DOP1A: variants seen among roughly 807,000 people sequenced by gnomAD.
The protein encoded by DOP1A is DOP1 leucine zipper like protein A.
In DOP1A, 90 loss-of-function variants were observed where a neutral mutation model predicts 267.6. The ratio of observed to expected loss-of-function variants is 0.34; its 90% CI spans 0.28 to 0.40. The LOEUF (loss-of-function observed/expected upper bound fraction) is 0.40. DOP1A is among the 10% of genes least tolerant of loss of function. DOP1A has a pLI of 1.00. For synonymous variants in DOP1A, 932 were observed against 999.1 expected, an observed-to-expected ratio of 0.93 and a Z score of 1.27; for missense variants, 2,437 against 2,900.4, an observed-to-expected ratio of 0.84 and a Z score of 3.67.
At position 83,125,160 on chromosome 6, in the gene DOP1A, T is replaced by C. The variant is rs1469426118; in HGVS notation, c.1456-6T>C. The C allele has an allele frequency of 6.3e-7, 1 of 1,581,084 alleles. No individual in the cohort carries two copies. Among genetic ancestry groups the C allele is most frequent in the East Asian group, 2.3e-5 (1 of 44,110 alleles). On this transcript the variant is annotated splice_polypyrimidine_tract_variant and splice_region_variant and intron_variant, in intron 13 of 38. Transcript: ENST00000349129. ...CTCCTCACTTCTTTGCTTTCTCATT[T>C]TGAAGCCTACTAGAAGTATGAGGGT...
At position 83,168,375 on chromosome 6, in the gene DOP1A, C is replaced by G; in HGVS notation, c.*208C>G. 2.9e-6 allele frequency: 4 copies of G among 1,369,892 alleles called. No homozygotes were observed. The highest frequency in any genetic ancestry group is 3.8e-6 in the Non-Finnish European group (4 of 1,063,930). The allele number at this position is 1,369,892 out of a possible 1,614,324, so 84.9% of individuals were successfully genotyped here. On this transcript the variant is annotated 3_prime_UTR_variant, in exon 39 of 39. Transcript: ENST00000349129. ...TGTTGGCTCATACTGATTATGGTGC[C>G]TAAGAGAGCTATATATATACACATG...
At position 83,159,798 on chromosome 6, in the gene DOP1A, C is replaced by T; in HGVS notation, c.6800C>T (p.Thr2267Ile). ...ACAGCACTGTCTCCTGCTTACAGGA[C>T]TTCAGGGCCCTCTGTGGCTGGTCTG... Reference protein sequence around the residue: ...ELTADEDISRTSGPSVAGLET... With the variant: ...ELTADEDISRISGPSVAGLET... The change falls in exon 37 of 39, where the codon ACT (threonine) becomes ATT (isoleucine). Residue 2267 changes from threonine (T) to isoleucine (I), a missense_variant and splice_region_variant. Thr to Ile is a moderately conservative substitution (Grantham distance 89). Transcript: ENST00000349129. 1 of 1,614,148 alleles carries T rather than the reference C, an allele frequency of 6.2e-7. No individual in the cohort carries two copies. Among genetic ancestry groups the T allele is most frequent in the Non-Finnish European group, 8.5e-7 (1 of 1,180,026 alleles).
rs560507972 is a variant in DOP1A at position 83,155,077 on chromosome 6, A to G, written c.6451+836A>G. On this transcript the variant is annotated intron_variant, in intron 33 of 38. Coordinates refer to ENST00000349129, the MANE Select transcript of DOP1A (RefSeq NM_015018.4). Reference sequence around the variant, plus strand: ...GGGCAATGTGTGATGGATTTTAAATAACAGCTAAATAGCTCATATACAAGG... The same window carrying G: ...GGGCAATGTGTGATGGATTTTAAATGACAGCTAAATAGCTCATATACAAGG... Among the ~76,000 whole-genome samples the G allele has an allele frequency of 2.6e-5, 4 of 152,302 alleles. No individual in the cohort carries two copies. In the East Asian group the frequency reaches 5.8e-4, roughly 22 times the overall value.
At chr6:83,116,627 T>C (rs1371917315) in intron 7 of DOP1A, among the ~76,000 whole-genome samples, 1 of 152,120 alleles carries the variant, frequency 6.6e-6, no homozygotes, top group Non-Finnish European at 1.5e-5. Flanking sequence ...CTGGCCAACA[T>C]GGTGAAACCC....
chr6:83,083,440 C>G (rs532636978), intron 1 of DOP1A, among the ~76,000 whole-genome samples: 1 of 149,170 alleles, frequency 6.7e-6, no homozygotes, highest in African/African-American at 2.5e-5. Context: ...AAAAAAAGTT[C>G]AGAAAGATAC....
At chr6:83,166,522 A>G (rs1785673069) in intron 38 of DOP1A, 2 of 682,482 alleles carry the variant, frequency 2.9e-6, no homozygotes, top group South Asian at 3.2e-5. Flanking sequence ...TCATTTCCAT[A>G]GTCTAAAATA....
chr6:83,133,784 C>CA (rs1483967173), intron 18 of DOP1A, among the ~76,000 whole-genome samples: 1 of 151,588 alleles, frequency 6.6e-6, no homozygotes, highest in Non-Finnish European at 1.5e-5. Flanking sequence ...ATTTCTGGGA[C>CA]AAAAAATATA....
intron 1 of DOP1A, among the ~76,000 whole-genome samples, chr6:83,089,205 GTGT>G (rs1456217140): frequency 1.3e-5 from 2 of 152,166 alleles, no homozygotes; most frequent in African/African-American, 4.8e-5. Context: ...AAGTATCTTT[GTGT>G]TGTTATTCTG....
At chr6:83,095,835 A>C (rs1478723003) in intron 1 of DOP1A, among the ~76,000 whole-genome samples, 1 of 152,140 alleles carries the variant, frequency 6.6e-6, no homozygotes, top group Non-Finnish European at 1.5e-5. Flanking sequence ...GCTTACTCAC[A>C]TGGCTGTATA....
In DOP1A at chr6:83,137,200, A is replaced by C. The variant is rs1778996812; in HGVS notation, c.3158A>C (p.Lys1053Thr). The C allele has an allele frequency of 6.4e-7, 1 of 1,573,524 alleles. No homozygotes were observed. Among genetic ancestry groups the C allele is most frequent in the African/African-American group, 1.4e-5 (1 of 73,372 alleles). ...NVSQVQLITSKGNGEKPLTMD... is the reference protein window; with the variant it reads ...NVSQVQLITSTGNGEKPLTMD... ...AGCCAAGTACAACTCATCACATCAA[A>C]AGGAAATGGTGAAAAGCCACTTACC... Residue 1053 changes from lysine to threonine, a missense_variant, in exon 21 of 39, where the codon AAA becomes ACA. Physicochemically the swap from Lys to Thr is moderately conservative, Grantham distance 78 (BLOSUM62 -1). Around this residue, in one of 9 missense-constraint regions of DOP1A, gnomAD observed 878 missense variants for 992.9 expected, o/e 0.88. Coordinates refer to ENST00000349129, the MANE Select transcript of DOP1A (RefSeq NM_015018.4).
At position 83,135,872 on chromosome 6, in the gene DOP1A, A is replaced by C; in HGVS notation, c.3124A>C (p.Ser1042Arg). 6.2e-7 allele frequency: 1 copy of C among 1,613,372 alleles called. No homozygotes were observed. The highest frequency in any genetic ancestry group is 8.5e-7 in the Non-Finnish European group (1 of 1,179,506). ...DKHFMQNFACSNVSQVQLITS... is the reference protein window; with the variant it reads ...DKHFMQNFACRNVSQVQLITS... ...GCATTTCATGCAAAATTTTGCCTGC[A>C]GCAATGGTGAATAACACATAGAAGT... is the stretch of plus-strand genomic sequence containing the variant. Residue 1042 changes from serine (S) to arginine (R), a missense_variant, in exon 20 of 39, where the codon AGC (serine) becomes CGC (arginine). By Grantham distance (110) the Ser-to-Arg change is moderately radical (BLOSUM62 -1). This residue lies in a region of DOP1A where 878 missense variants were observed against 992.9 expected (regional missense o/e 0.88). Transcript: ENST00000349129.
chr6:83,128,986 C>T lies in DOP1A; in HGVS notation c.1819C>T (p.Gln607Ter). 6.2e-7 allele frequency: 1 copy of T among 1,611,014 alleles called. No individual in the cohort carries two copies. The highest frequency in any genetic ancestry group is 1.1e-5 in the South Asian group (1 of 90,522). ...AGAGAGTGGATTCACTGAGTTTATA[C>T]AATATCAAGCAGACCGAACTGATGA... ...SSESGFTEFI[Q>*]YQADRTDDID... is the part of the protein sequence containing the mutation. The change falls in exon 16 of 39, where the codon CAA becomes TAA. Residue 607 changes from glutamine to a stop codon, truncating the protein, a stop_gained. Transcript: ENST00000349129. LOFTEE classifies it high-confidence loss of function.
intron 19 of DOP1A, among the ~76,000 whole-genome samples, chr6:83,134,710 A>G (rs971471145): frequency 2.0e-5 from 3 of 152,300 alleles, no homozygotes; most frequent in African/African-American, 7.2e-5. Context: ...GATTCTTTCC[A>G]TGAATCCAGA....
chr6:83,088,063 C>T (rs1257627135), intron 1 of DOP1A, among the ~76,000 whole-genome samples: 1 of 152,008 alleles, frequency 6.6e-6, no homozygotes, highest in Non-Finnish European at 1.5e-5. Context: ...TTAGTAGAGA[C>T]GGGTTTCACC....
intron 4 of DOP1A, among the ~76,000 whole-genome samples, chr6:83,105,356 CTTTTTTTTTTTTTT>C (rs70987733): frequency 3.0e-5 from 2 of 65,892 alleles, no homozygotes; most frequent in Non-Finnish European, 5.6e-5. Context: ...GGATGTCTTT[CTTTTTTTTTTTTTT>C]TTTTTTTTTT....
chr6:83,094,370 A>C lies in DOP1A; in HGVS notation c.-146-2361A>C, dbSNP rs368733840. Reference sequence around the variant, plus strand: ...TAATGCATCTATGAGCATTCACACAAGTTTTTGAGTGTACATATATTTTCA... The same window carrying C: ...TAATGCATCTATGAGCATTCACACACGTTTTTGAGTGTACATATATTTTCA... On this transcript the variant is annotated intron_variant, in intron 1 of 38. Transcript: ENST00000349129. Among the ~76,000 whole-genome samples, 25 of 152,248 alleles carry C rather than the reference A, an allele frequency of 1.6e-4. No individual in the cohort carries two copies. In the East Asian group the frequency reaches 2.3e-3, roughly 14 times the overall value.
intron 30 of DOP1A, 131 bp downstream of exon 30, chr6:83,152,498 T>C (rs961024517): frequency 2.9e-5 from 12 of 409,150 alleles, no homozygotes; most frequent in Non-Finnish European, 4.6e-5. Flanking sequence ...CTATATAGAA[T>C]TAATATAAAG....
At chr6:83,149,104 T>C (rs1004603885) in intron 27 of DOP1A, among the ~76,000 whole-genome samples, 1 of 151,964 alleles carries the variant, frequency 6.6e-6, no homozygotes, top group East Asian at 1.9e-4. Flanking sequence ...AACATAAAAC[T>C]GTTACAACAG....
chr6:83,088,571 C>T (rs1216447517), intron 1 of DOP1A, among the ~76,000 whole-genome samples: 2 of 151,884 alleles, frequency 1.3e-5, no homozygotes, highest in Non-Finnish European at 2.9e-5. Context: ...TACAGGCATG[C>T]ACCACCACAC....
Sources: allele counts gnomAD v4.1 joint callset (sites outside exome capture counted in the v4.1 genomes callset), GRCh38; gene constraint gnomAD v4.1.1; regional missense constraint gnomAD v4.1.1; transcripts MANE v1.5; gene names NCBI Gene and HGNC (gene_info 2026-07-23, HGNC 2026-07-21).